The following SLC14A2 variants were observed in gnomAD, a reference collection of about 807,000 sequenced individuals.
SLC14A2 encodes solute carrier family 14 member 2, also known as urea transporter 2.
Under a neutral mutation model 104.6 loss-of-function variants are expected in SLC14A2, and 91 were observed. The observed-to-expected ratio is 0.87, with a 90% confidence interval of 0.73 to 1.04. The LOEUF (loss-of-function observed/expected upper bound fraction) is 1.04, where lower values mean the gene tolerates loss of function less well. SLC14A2 is among the 50% of genes least tolerant of loss of function. The probability of loss-of-function intolerance (pLI) is 0.00; values close to 1 mark genes in which losing one functional copy is unlikely to be tolerated. For synonymous variants in SLC14A2, 476 were observed against 466.4 expected (o/e 1.02, Z -0.27); for missense variants, 1,189 against 1,156.0 (o/e 1.03, Z -0.41).
At chr18:45,364,500 T>C (rs1352499983) in intron 1 of SLC14A2, among the ~76,000 whole-genome samples, 4 of 152,184 alleles carry the variant, frequency 2.6e-5, no homozygotes, top group Non-Finnish European at 5.9e-5. Context: ...AAGAATTAAC[T>C]TATACATGAA....
At chr18:45,335,704 A>G (rs2085331587) in intron 1 of SLC14A2, among the ~76,000 whole-genome samples, 1 of 152,186 alleles carries the variant, frequency 6.6e-6, no homozygotes, top group Non-Finnish European at 1.5e-5. Flanking sequence ...TAAGGAAGTC[A>G]CCCTAAGAAA....
chr18:45,591,748 C>T (rs1304084795), intron 2 of SLC14A2, among the ~76,000 whole-genome samples: 1 of 152,182 alleles, frequency 6.6e-6, no homozygotes, highest in African/African-American at 2.4e-5. Context: ...CCAAAGGAGA[C>T]CCCACTATAC....
At chr18:45,371,683 ACT>A (rs1273056246) in intron 1 of SLC14A2, among the ~76,000 whole-genome samples, 2 of 152,130 alleles carry the variant, frequency 1.3e-5, no homozygotes, top group Non-Finnish European at 2.9e-5. Flanking sequence ...TTGCTTACTA[ACT>A]CTCTCCTGAG....
At chr18:45,237,186 A>G (rs2084263554) in intron 1 of SLC14A2, among the ~76,000 whole-genome samples, 2 of 152,200 alleles carry the variant, frequency 1.3e-5, no homozygotes, top group South Asian at 4.1e-4. Flanking sequence ...GGGCTCGCCA[A>G]TAAACACATG....
chr18:45,296,256 C>T (rs8095203), intron 1 of SLC14A2, among the ~76,000 whole-genome samples: 4 of 151,990 alleles, frequency 2.6e-5, no homozygotes, highest in Admixed American at 6.6e-5. Flanking sequence ...GGGGAACCTC[C>T]GAGTTCATTC....
chr18:45,180,293 T>C, the SLC14A2 span, among the ~76,000 whole-genome samples: 1 of 152,198 alleles, frequency 6.6e-6, no homozygotes, highest in Non-Finnish European at 1.5e-5. Flanking sequence ...ATCTGTAAAA[T>C]GAGGACAATA....
chr18:45,263,324 C>T (rs992590531), intron 1 of SLC14A2, among the ~76,000 whole-genome samples: 1 of 152,164 alleles, frequency 6.6e-6, no homozygotes, highest in Non-Finnish European at 1.5e-5. Context: ...TTCTTCTCAG[C>T]GTATAAGATC....
intron 1 of SLC14A2, among the ~76,000 whole-genome samples, chr18:45,273,299 A>G (rs1219346577): frequency 2.6e-5 from 4 of 152,176 alleles, no homozygotes. Flanking sequence ...AAATAGTCCC[A>G]GAAGTCTTGT....
At chr18:45,225,312 T>C (rs569397555) in intron 1 of SLC14A2, among the ~76,000 whole-genome samples, 12 of 152,192 alleles carry the variant, frequency 7.9e-5, no homozygotes, top group African/African-American at 1.9e-4. Context: ...AGATGTGTGG[T>C]ATTATTTCTG....
chr18:45,616,186 C>G (rs369918972), intron 1 of SLC14A2, among the ~76,000 whole-genome samples: 1 of 152,218 alleles, frequency 6.6e-6, no homozygotes, highest in Non-Finnish European at 1.5e-5. Flanking sequence ...AACTTCTCCC[C>G]CTAAGTAGCC....
At position 45,669,387 on chromosome 18, in the gene SLC14A2, G is replaced by A. The variant is rs1377447834; in HGVS notation, c.2118G>A (p.Val706=). The change falls in exon 16 of 20, where the codon GTG becomes GTA. Residue 706 remains valine (V), a synonymous_variant. Transcript: ENST00000255226. ...PVFTLPFNIT[V]TLYLAATGHY... is the part of the protein sequence containing the mutation. ...TCACACTGCCCTTCAATATCACTGT[G>A]ACTTTGTACCTGGCAGCCACGGGCC... 6.2e-7 allele frequency: 1 copy of A among 1,613,976 alleles called. No homozygotes were observed. Among genetic ancestry groups the A allele is most frequent in the African/African-American group, 1.3e-5 (1 of 74,902 alleles).
intron 1 of SLC14A2, among the ~76,000 whole-genome samples, chr18:45,237,466 C>T (rs2084267146): frequency 6.6e-6 from 1 of 152,164 alleles, no homozygotes; most frequent in Non-Finnish European, 1.5e-5. Flanking sequence ...TGCTAGTTCT[C>T]TAGTCGGCAC....
chr18:45,593,190 G>A (rs932233883), intron 2 of SLC14A2, among the ~76,000 whole-genome samples: 2 of 151,986 alleles, frequency 1.3e-5, no homozygotes, highest in East Asian at 3.9e-4. Context: ...TGGTGGCGGC[G>A]CCTGTAGTCC....
At chr18:45,409,758 A>T (rs1375236144) in intron 1 of SLC14A2, among the ~76,000 whole-genome samples, 1 of 152,184 alleles carries the variant, frequency 6.6e-6, no homozygotes, top group Non-Finnish European at 1.5e-5. Flanking sequence ...CATGAGGAGT[A>T]TATTCTAGAG....
chr18:45,624,610 T>C (rs2045230231), intron 1 of SLC14A2, 21 bp from the exon 2 acceptor site: 1 of 1,562,812 alleles, frequency 6.4e-7, no homozygotes, highest in African/African-American at 1.4e-5. Flanking sequence ...TCACTAGCTC[T>C]TTCCCTTTCC....
intron 2 of SLC14A2, among the ~76,000 whole-genome samples, chr18:45,496,657 C>G (rs1377363280): frequency 6.6e-6 from 1 of 152,172 alleles, no homozygotes; most frequent in Non-Finnish European, 1.5e-5. Context: ...GTGGCAGGTG[C>G]CTGTAAACCC....
intron 10 of SLC14A2, chr18:45,646,756 C>T (rs2045633486): frequency 1.3e-5 from 2 of 152,214 alleles, no homozygotes; most frequent in Admixed American, 6.5e-5. Context: ...GCTTCCCCAC[C>T]TCATCTACCT....
chr18:45,667,610 A>C (rs570311452), intron 13 of SLC14A2, among the ~76,000 whole-genome samples: 30 of 152,286 alleles, frequency 2.0e-4, no homozygotes, highest in African/African-American at 6.7e-4. Context: ...CAGAAAAACA[A>C]CCTGGAGGTC....
At chr18:45,554,216 C>T (rs1016404587) in intron 2 of SLC14A2, among the ~76,000 whole-genome samples, 1 of 152,126 alleles carries the variant, frequency 6.6e-6, no homozygotes, top group Admixed American at 6.5e-5. Flanking sequence ...CAGTCCCATA[C>T]AGTCAAAGCA....
Sources: gnomAD v4.1 joint callset for allele counts (sites outside exome capture counted in the v4.1 genomes callset) on GRCh38, gnomAD v4.1.1 for gene constraint, MANE v1.5 for transcripts, NCBI Gene and HGNC (gene_info 2026-07-23, HGNC 2026-07-21) for gene names.